Variants in THSD4 observed in about 807,000 individuals in gnomAD.
The protein encoded by THSD4 is thrombospondin type-1 domain-containing protein 4.
In THSD4, 69 loss-of-function variants were observed where a neutral mutation model predicts 119.0. The ratio of observed to expected loss-of-function variants is 0.58; its 90% CI spans 0.48 to 0.71. The LOEUF (loss-of-function observed/expected upper bound fraction) is 0.71. Among genes scored for constraint, THSD4 ranks in the 30% least tolerant of loss-of-function variants. THSD4 has a pLI of 0.00. For synonymous variants in THSD4, 524 were observed against 540.4 expected, an observed-to-expected ratio of 0.97 and a Z score of 0.42; for missense variants, 1,393 against 1,391.1, an observed-to-expected ratio of 1.00 and a Z score of -0.02.
intron 11 of THSD4, among the ~76,000 whole-genome samples, chr15:71,740,595 G>A (rs768127855): frequency 1.1e-4 from 17 of 152,120 alleles, no homozygotes; most frequent in Admixed American, 2.6e-4. Flanking sequence ...TCCTCCAGAC[G>A]CTCCCACGGT....
chr15:71,495,660 T>C (rs2048003747), intron 7 of THSD4, among the ~76,000 whole-genome samples: 1 of 152,120 alleles, frequency 6.6e-6, no homozygotes, highest in Admixed American at 6.5e-5. Flanking sequence ...AAAATGAGTG[T>C]CAATATTATT....
intron 7 of THSD4, among the ~76,000 whole-genome samples, chr15:71,446,230 G>A (rs1049409088): frequency 1.3e-5 from 2 of 152,046 alleles, no homozygotes; most frequent in African/African-American, 4.8e-5. Flanking sequence ...TCTTCTTCCC[G>A]CCATCACTTC....
chr15:71,225,539 CTTTTTTTTTTTCTT>C (rs1342389720), intron 4 of THSD4, among the ~76,000 whole-genome samples: 3 of 105,366 alleles, frequency 2.8e-5, no homozygotes, highest in Middle Eastern at 5.2e-3. Flanking sequence ...TTTTCTTTTT[CTTTTTTTTTTTCTT>C]TTTTTTTTTT....
At chr15:71,504,599 A>G (rs761780563) in intron 7 of THSD4, among the ~76,000 whole-genome samples, 7 of 152,210 alleles carry the variant, frequency 4.6e-5, no homozygotes, top group South Asian at 2.1e-4. Context: ...GATTAATTTT[A>G]TTAACCTTTT....
chr15:71,600,991 C>A (rs943013747), intron 7 of THSD4, among the ~76,000 whole-genome samples: 4 of 152,180 alleles, frequency 2.6e-5, no homozygotes, highest in African/African-American at 9.7e-5. Context: ...AGGTGATCCA[C>A]CCGTCTTGGC....
intron 7 of THSD4, among the ~76,000 whole-genome samples, chr15:71,653,288 C>A (rs1476844728): frequency 6.6e-6 from 1 of 152,214 alleles, no homozygotes; most frequent in African/African-American, 2.4e-5. Flanking sequence ...TTATTAGCTT[C>A]TCTGACATTT....
chr15:71,515,007 G>GCTCACTTTTTTTCAGTATTTC (rs2048337581), intron 7 of THSD4, among the ~76,000 whole-genome samples: 1 of 152,104 alleles, frequency 6.6e-6, no homozygotes, highest in South Asian at 2.1e-4. Flanking sequence ...TAACACATTT[G>GCTCACTTTTTTTCAGTATTTC]CTCACTTTTT....
chr15:71,123,643 G>A (rs552499062), intron 1 of THSD4, among the ~76,000 whole-genome samples: 3 of 152,216 alleles, frequency 2.0e-5, no homozygotes, highest in African/African-American at 4.8e-5. Flanking sequence ...TAAACATGCC[G>A]TAGAGAGGCT....
chr15:71,141,412 TA>T, intron 1 of THSD4, 36 bp from the exon 2 acceptor site: 1 of 1,121,216 alleles, frequency 8.9e-7, no homozygotes, highest in Non-Finnish European at 1.3e-6. Flanking sequence ...TCTTCCTAAG[TA>T]AATGTTGCTA....
rs540576651 is a variant in THSD4, at chr15:71,579,367, C to T, written c.1153-81163C>T. Among the ~76,000 whole-genome samples, 8 of 152,240 alleles carry T rather than the reference C, an allele frequency of 5.3e-5. No individual in the cohort carries two copies. The East Asian group carries it at 5.8e-4, about 11-fold the overall frequency. ...TGTCCTCCTGAGAAGGGGCTCCTCA[C>T]GCCTGTTCTCATGATCATCTGCGTA... On this transcript the variant is annotated intron_variant, in intron 7 of 17. Transcript: ENST00000261862.
At chr15:71,567,137 C>T (rs777103477) in intron 7 of THSD4, among the ~76,000 whole-genome samples, 3 of 152,106 alleles carry the variant, frequency 2.0e-5, no homozygotes, top group Admixed American at 2.0e-4. Context: ...GTGGAACTGC[C>T]CTCGACTGTA....
chr15:71,246,310 G>A (rs574660485), intron 5 of THSD4, among the ~76,000 whole-genome samples: 3 of 152,256 alleles, frequency 2.0e-5, no homozygotes, highest in South Asian at 2.1e-4. Context: ...TAGGAATGGA[G>A]TAAGATCTCC....
intron 7 of THSD4, among the ~76,000 whole-genome samples, chr15:71,631,449 T>C (rs959478737): frequency 6.6e-6 from 1 of 152,204 alleles, no homozygotes; most frequent in African/African-American, 2.4e-5. Flanking sequence ...CTGTGTTTGC[T>C]CTTTTTGTCG....
At chr15:71,324,338 A>G (rs1292563579) in intron 6 of THSD4, among the ~76,000 whole-genome samples, 1 of 152,192 alleles carries the variant, frequency 6.6e-6, no homozygotes, top group East Asian at 1.9e-4. Context: ...CTTTTGGAGT[A>G]CAAGTAGTTT....
chr15:71,214,287 C>T (rs2043911779), intron 3 of THSD4, among the ~76,000 whole-genome samples: 1 of 152,208 alleles, frequency 6.6e-6, no homozygotes. Flanking sequence ...CAGCCAGCAG[C>T]CGCAACTTGC....
At position 71,741,502 on chromosome 15, in the gene THSD4, CAA is replaced by C. The variant is rs543822911; in HGVS notation, c.1906+3498_1906+3499del. ...AGCAAGACTCCGTCTCAAAACAAAACAAAACAAAACAAAAAAACTGAACAATC... is the reference window on the plus strand; with the variant it reads ...AGCAAGACTCCGTCTCAAAACAAAACAACAAAACAAAAAAACTGAACAATC... On this transcript the variant is annotated intron_variant, in intron 11 of 17. Transcript: ENST00000261862. 7.2e-4 allele frequency among the ~76,000 whole-genome samples: 109 copies of C among 152,110 alleles called. 1 individual carries two copies. Among genetic ancestry groups the C allele is most frequent in the African/African-American group, 2.6e-3 (107 of 41,526 alleles).
At chr15:71,103,114 ACC>A (rs1229631200) in intron 1 of THSD4, among the ~76,000 whole-genome samples, 1 of 149,824 alleles carries the variant, frequency 6.7e-6, no homozygotes, top group Non-Finnish European at 1.5e-5. Flanking sequence ...ATATTACAGG[ACC>A]CCAGGTCTGA....
At chr15:71,119,876 A>G (rs1348905167) in intron 1 of THSD4, among the ~76,000 whole-genome samples, 1 of 152,154 alleles carries the variant, frequency 6.6e-6, no homozygotes, top group African/African-American at 2.4e-5. Context: ...ACCCAGCCTC[A>G]GTTTCCCCAT....
At chr15:71,224,595 C>A (rs1190693821) in intron 4 of THSD4, among the ~76,000 whole-genome samples, 2 of 152,174 alleles carry the variant, frequency 1.3e-5, no homozygotes, top group South Asian at 2.1e-4. Context: ...TTAAAAAAAA[C>A]ACACCAGTTT....
Sources: allele counts gnomAD v4.1 joint callset (sites outside exome capture counted in the v4.1 genomes callset), GRCh38; gene constraint gnomAD v4.1.1; transcripts MANE v1.5; gene names NCBI Gene and HGNC (gene_info 2026-07-23, HGNC 2026-07-21).